Variants in FRMPD4 observed in about 807,000 individuals in gnomAD.
FRMPD4 encodes FERM and PDZ domain containing 4.
A neutral mutation model predicts 94.1 loss-of-function variants in FRMPD4; 22 were observed. That is an observed-to-expected ratio of 0.23 (90% confidence interval 0.17 to 0.33). The LOEUF is 0.33. Among genes scored for constraint, FRMPD4 ranks in the 10% least tolerant of loss-of-function variants. The pLI, the probability that FRMPD4 is intolerant of heterozygous loss-of-function variation, is 1.00. For missense variants in FRMPD4, 1,111 were observed against 1,339.9 expected (o/e 0.83, Z 2.67); for synonymous variants, 631 against 548.6 (o/e 1.15, Z -2.10).
At position 12,721,471 on chromosome X, in the gene FRMPD4, G is replaced by T. The variant is rs1390724412; in HGVS notation, c.4902G>T (p.Ala1634=). 8 of 753,316 alleles carry T rather than the reference G, an allele frequency of 1.1e-5. No individual in the cohort carries two copies. Among genetic ancestry groups the T allele is most frequent in the Non-Finnish European group, 1.3e-5 (8 of 638,575 alleles). 62.1% of individuals were successfully genotyped at this position (753,316 alleles called of 1,213,427 possible). ...KEKREESRPE[A]YDLTLSQYKQ... Reference sequence around the variant, plus strand: ...AGAGGGAGGAGTCACGCCCTGAAGCGTACGACCTTACACTTTCTCAGTACA... The same window carrying T: ...AGAGGGAGGAGTCACGCCCTGAAGCTTACGACCTTACACTTTCTCAGTACA... Residue 1634 remains alanine, a synonymous_variant, in exon 17 of 17, where the codon GCG becomes GCT. Transcript: ENST00000675598.
chrX:12,463,681 G>GTGTTTTTTTTTTT lies in FRMPD4; in HGVS notation c.42-34998_42-34997insGTTTTTTTTTTTT, dbSNP rs1555969426. The stretch of plus-strand genomic sequence containing the variant: ...GGGTGCCTGTGCCTCCTATGTGTGT[G>GTGTTTTTTTTTTT]TTTTTTTTTTGTTTTTGTTTTTTTT... On this transcript the variant is annotated intron_variant, in intron 1 of 16. Coordinates refer to ENST00000675598, the MANE Select transcript of FRMPD4 (RefSeq NM_001368397.1). Among the ~76,000 whole-genome samples the GTGTTTTTTTTTTT allele has an allele frequency of 2.7e-4, 14 of 51,039 alleles. 5 individuals are homozygous for GTGTTTTTTTTTTT. The highest frequency in any genetic ancestry group is 2.4e-4 in the Non-Finnish European group (7 of 29,312). 44.3% of individuals were successfully genotyped at this position (51,039 alleles called of 115,157 possible). A position where few individuals can be genotyped will look rare whatever the true frequency, so the allele number is the denominator to read the frequency against.
At chrX:12,188,311 C>T (rs759824522) in intron 1 of FRMPD4, among the ~76,000 whole-genome samples, 22 of 112,088 alleles carry the variant, frequency 2.0e-4, no homozygotes, top group Non-Finnish European at 4.0e-4. Context: ...TATTTTCCCT[C>T]TTGCACTGTA....
chrX:12,256,067 C>T lies in FRMPD4; in HGVS notation c.41+117055C>T, dbSNP rs180910296. Among the ~76,000 whole-genome samples, 39 of 111,930 alleles carry T rather than the reference C, an allele frequency of 3.5e-4. No homozygotes were observed. The South Asian group carries it at 9.0e-3, about 26-fold the overall frequency. On this transcript the variant is annotated intron_variant, in intron 1 of 16. Transcript: ENST00000675598. ...GATGTCAGCACCAAGGGTAAGTGGC[C>T]AGTTACGTATACATGTGCTTGACCA...
chrX:12,261,570 C>T (rs1035465560), intron 1 of FRMPD4, among the ~76,000 whole-genome samples: 1 of 111,953 alleles, frequency 8.9e-6, no homozygotes, highest in African/African-American at 3.2e-5. Flanking sequence ...CTTAGTCCAG[C>T]AAGAGTTCAG....
At chrX:12,353,065 C>A (rs1205908681) in intron 1 of FRMPD4, among the ~76,000 whole-genome samples, 1 of 111,962 alleles carries the variant, frequency 8.9e-6, no homozygotes, top group Non-Finnish European at 1.9e-5. Context: ...ATGCCTGAGG[C>A]TCCCCGCAGG....
intron 4 of FRMPD4, among the ~76,000 whole-genome samples, chrX:12,666,320 C>T (rs1469214264): frequency 1.8e-5 from 2 of 111,139 alleles, no homozygotes; most frequent in African/African-American, 6.5e-5. Context: ...GACTCCCACA[C>T]AATAATAGTG....
At chrX:11,839,425 A>G (rs1295192286) in intron 1 of FRMPD4, among the ~76,000 whole-genome samples, 1 of 111,333 alleles carries the variant, frequency 9.0e-6, no homozygotes, top group Non-Finnish European at 1.9e-5. Context: ...TCTTTTACCC[A>G]TTTTTAAAAT....
rs146747110 is a variant in FRMPD4, at chrX:12,679,948, T to C, written c.469-3535T>C. Among the ~76,000 whole-genome samples the C allele has an allele frequency of 4.1e-3, 460 of 112,128 alleles. 3 individuals are homozygous for C. Among genetic ancestry groups the C allele is most frequent in the African/African-American group, 0.013 (398 of 30,886 alleles). On this transcript the variant is annotated intron_variant, in intron 5 of 16. Transcript: ENST00000675598. ...TGTGAATCCTTGTCTTAGGTCTGCATTTTGGAGACTCCAAACTAAGCCAAC... is the reference window on the plus strand; with the variant it reads ...TGTGAATCCTTGTCTTAGGTCTGCACTTTGGAGACTCCAAACTAAGCCAAC...
intron 1 of FRMPD4, among the ~76,000 whole-genome samples, chrX:11,841,055 C>G (rs1220741931): frequency 9.1e-6 from 1 of 110,054 alleles, no homozygotes; most frequent in Non-Finnish European, 1.9e-5. Flanking sequence ...TCATCCATGT[C>G]CCTACAAAGG....
chrX:12,601,957 A>T (rs760728430), intron 2 of FRMPD4, among the ~76,000 whole-genome samples: 2 of 111,757 alleles, frequency 1.8e-5, no homozygotes, highest in South Asian at 7.6e-4. Context: ...AAAGAGTTAT[A>T]AGCAGTCAAC....
At chrX:12,660,822 G>T (rs967177782) in intron 4 of FRMPD4, among the ~76,000 whole-genome samples, 3 of 111,943 alleles carry the variant, frequency 2.7e-5, no homozygotes, top group African/African-American at 9.7e-5. Context: ...GGCAGCTGCG[G>T]CTGGAGCCAT....
chrX:12,149,086 G>A (rs2055812456), intron 1 of FRMPD4: 1 of 111,938 alleles, frequency 8.9e-6, no homozygotes, highest in Non-Finnish European at 1.9e-5. Context: ...AGTGATCAAT[G>A]AGTAATTTTG....
chrX:11,866,411 AG>A (rs1458619267), intron 2 of FRMPD4, among the ~76,000 whole-genome samples: 1 of 111,808 alleles, frequency 8.9e-6, no homozygotes, highest in Non-Finnish European at 1.9e-5. Context: ...AGGCAATAGT[AG>A]GAGAAACAAG....
intron 3 of FRMPD4, among the ~76,000 whole-genome samples, chrX:12,095,153 G>C (rs1285043248): frequency 9.0e-6 from 1 of 111,396 alleles, no homozygotes; most frequent in Non-Finnish European, 1.9e-5. Flanking sequence ...AAGGCAGGAA[G>C]ATTGCTTGAG....
intron 2 of FRMPD4, among the ~76,000 whole-genome samples, chrX:12,554,066 A>G (rs1345942821): frequency 4.1e-5 from 2 of 49,048 alleles, no homozygotes; most frequent in African/African-American, 5.4e-5. Context: ...AGCCTATGTC[A>G]GCATTCTAGA....
At chrX:11,934,861 A>G (rs2054143563) in intron 3 of FRMPD4, among the ~76,000 whole-genome samples, 2 of 110,006 alleles carry the variant, frequency 1.8e-5, no homozygotes, top group Non-Finnish European at 3.8e-5. Context: ...TCAAGACAAG[A>G]TCGTTTTGTT....
chrX:12,060,063 G>C (rs771401836), intron 3 of FRMPD4, among the ~76,000 whole-genome samples: 3 of 111,181 alleles, frequency 2.7e-5, no homozygotes, highest in Non-Finnish European at 5.7e-5. Context: ...ATGGGAGTGA[G>C]AGACAGTACC....
intron 1 of FRMPD4, among the ~76,000 whole-genome samples, chrX:12,411,626 A>C (rs960780713): frequency 8.9e-5 from 10 of 112,264 alleles, no homozygotes; most frequent in African/African-American, 3.2e-4. Context: ...TCCTGTTGTT[A>C]AAGATGCTAA....
intron 3 of FRMPD4, among the ~76,000 whole-genome samples, chrX:12,118,668 A>G (rs1237175583): frequency 9.0e-6 from 1 of 111,711 alleles, no homozygotes; most frequent in Non-Finnish European, 1.9e-5. Flanking sequence ...CCGGTGGTGA[A>G]GATGGCCTTT....
Sources: allele counts gnomAD v4.1 joint callset (sites outside exome capture counted in the v4.1 genomes callset), GRCh38; gene constraint gnomAD v4.1.1; transcripts MANE v1.5; gene names NCBI Gene and HGNC (gene_info 2026-07-23, HGNC 2026-07-21).